The following CA5B variants were observed in gnomAD, a reference collection of about 807,000 sequenced individuals.
CA5B encodes the protein carbonic anhydrase 5B.
CA5B carries 15 observed loss-of-function variants against 23.1 expected under a neutral mutation model. That is an observed-to-expected ratio of 0.65 (90% CI 0.43 to 1.00). The LOEUF (loss-of-function observed/expected upper bound fraction) is 1.00. Among genes scored for constraint, CA5B ranks in the 50% least tolerant of loss-of-function variants. CA5B has a pLI of 0.00. For synonymous variants in CA5B, 84 were observed against 98.5 expected (o/e 0.85, Z 0.87); for missense variants, 236 against 252.2 (o/e 0.94, Z 0.43).
chrX:15,767,680 C>A (rs1931736925), intron 3 of CA5B, among the ~76,000 whole-genome samples: 1 of 110,125 alleles, frequency 9.1e-6, no homozygotes, highest in African/African-American at 3.3e-5. Flanking sequence ...CCTCTGCCTC[C>A]CGGGCTCAAG....
At chrX:15,745,323 T>A (rs1293466407) in intron 1 of CA5B, among the ~76,000 whole-genome samples, 4 of 111,003 alleles carry the variant, frequency 3.6e-5, no homozygotes, top group African/African-American at 1.3e-4. Flanking sequence ...AGAGACAAAG[T>A]AAAAGCGAGA....
intron 2 of CA5B, among the ~76,000 whole-genome samples, chrX:15,751,618 T>G: frequency 9.1e-6 from 1 of 109,724 alleles, no homozygotes; most frequent in Non-Finnish European, 1.9e-5. Context: ...CTGCTTTTAG[T>G]GCTGACAAAA....
At chrX:15,742,398 G>C (rs1355689841) in intron 1 of CA5B, among the ~76,000 whole-genome samples, 1 of 111,861 alleles carries the variant, frequency 8.9e-6, no homozygotes, top group Non-Finnish European at 1.9e-5. Flanking sequence ...ACGGAGTCTC[G>C]CTCTGTCACT....
rs182482774 is a variant in CA5B, at chrX:15,748,054, C to T, written c.-53-1917C>T. ...TTTACATAGGGGCCACAGATTGGTT[C>T]GACCAGGTGTGACATTTACATAGCA... On this transcript the variant is annotated intron_variant, in intron 1 of 7. Coordinates refer to ENST00000318636, the MANE Select transcript of CA5B (RefSeq NM_007220.4). Among the ~76,000 whole-genome samples the T allele has an allele frequency of 4.0e-3, 446 of 111,640 alleles. 1 individual carries two copies. Among genetic ancestry groups the T allele is most frequent in the African/African-American group, 0.014 (425 of 30,743 alleles).
intron 2 of CA5B, among the ~76,000 whole-genome samples, chrX:15,760,672 T>C (rs139937612): frequency 0.023 from 2,602 of 111,266 alleles, 69 homozygotes; most frequent in African/African-American, 0.08. Flanking sequence ...GAGACCCTCA[T>C]TGAATGGCTT....
Position 15,787,106 on chromosome X carries a change from T to G in CA5B, c.*4442T>G, listed in dbSNP as rs781673430. The G allele has an allele frequency of 8.9e-6, 1 of 112,049 alleles. No individual in the cohort carries two copies. Among genetic ancestry groups the G allele is most frequent in the South Asian group, 3.7e-4 (1 of 2,720 alleles). The allele number at this position is 112,049 out of a possible 1,213,427, so 9.2% of individuals were successfully genotyped here. On this transcript the variant is annotated 3_prime_UTR_variant, in exon 8 of 8. Coordinates refer to ENST00000318636, the MANE Select transcript of CA5B (RefSeq NM_007220.4). ...GAGTCTTGATTGTACGTGCCCCACT[T>G]GCACCACAGCCTGCCTTGGGTTATA...
rs1016168912 is a variant in CA5B at position 15,785,003 on chromosome X, T to C, written c.*2339T>C. On this transcript the variant is annotated 3_prime_UTR_variant, in exon 8 of 8. Transcript: ENST00000318636. ...ATCAAAACCACAATGAGATATCGTC[T>C]CACGCCCATCATGATGGCCACTATC... 1.1e-4 allele frequency: 12 copies of C among 112,118 alleles called. No homozygotes were observed. The highest frequency in any genetic ancestry group is 2.3e-4 in the Non-Finnish European group (12 of 53,297). The allele number at this position is 112,118 out of a possible 1,213,427, so 9.2% of individuals were successfully genotyped here.
intron 7 of CA5B, among the ~76,000 whole-genome samples, chrX:15,780,890 G>T (rs970814371): frequency 6.2e-5 from 7 of 112,190 alleles, no homozygotes; most frequent in African/African-American, 2.3e-4. Flanking sequence ...TGTGCCCCAG[G>T]CTGTCTTCTC....
At chrX:15,755,427 C>G (rs1931468139) in intron 2 of CA5B, among the ~76,000 whole-genome samples, 1 of 112,019 alleles carries the variant, frequency 8.9e-6, no homozygotes, top group African/African-American at 3.2e-5. Flanking sequence ...CATCCTCAAC[C>G]AAGTCATATG....
intron 2 of CA5B, among the ~76,000 whole-genome samples, chrX:15,763,955 A>G (rs1312128832): frequency 2.7e-5 from 3 of 111,849 alleles, no homozygotes; most frequent in Non-Finnish European, 5.6e-5. Context: ...AGATAGATGG[A>G]CACATTCAGT....
At chrX:15,782,391 G>C (rs1373449793) in intron 7 of CA5B, 94 bp from the exon 8 acceptor site, 2 of 855,700 alleles carry the variant, frequency 2.3e-6, no homozygotes, top group South Asian at 2.3e-5. Flanking sequence ...AATTTGCAAC[G>C]AATGCTCAGA....
intron 2 of CA5B, among the ~76,000 whole-genome samples, chrX:15,761,774 T>C (rs1052716888): frequency 9.0e-6 from 1 of 111,147 alleles, no homozygotes; most frequent in African/African-American, 3.3e-5. Context: ...CCCTGGCCTC[T>C]AACCACTAGA....
At chrX:15,753,660 G>C (rs1250758825) in intron 2 of CA5B, among the ~76,000 whole-genome samples, 2 of 112,586 alleles carry the variant, frequency 1.8e-5, no homozygotes, top group African/African-American at 6.5e-5. Flanking sequence ...TGTAATCCCA[G>C]CACTTTGGGA....
intron 2 of CA5B, among the ~76,000 whole-genome samples, chrX:15,752,208 T>G (rs1481758171): frequency 2.7e-5 from 3 of 110,633 alleles, no homozygotes; most frequent in Non-Finnish European, 5.7e-5. Flanking sequence ...TTGCCCAAAT[T>G]CCTATCTAAG....
chrX:15,786,862 C>T lies in CA5B; in HGVS notation c.*4198C>T, dbSNP rs1932126641. The T allele has an allele frequency of 8.9e-6, 1 of 111,902 alleles. No homozygotes were observed. Among genetic ancestry groups the T allele is most frequent in the Non-Finnish European group, 1.9e-5 (1 of 53,205 alleles). The allele number at this position is 111,902 out of a possible 1,213,427, so 9.2% of individuals were successfully genotyped here. On this transcript the variant is annotated 3_prime_UTR_variant, in exon 8 of 8. Transcript: ENST00000318636. ...CACCATATAGGGCAAGCTGTGACCGCCTTTCTCCTTTCCCAGGGCTACATG... is the reference window on the plus strand; with the variant it reads ...CACCATATAGGGCAAGCTGTGACCGTCTTTCTCCTTTCCCAGGGCTACATG...
chrX:15,782,594 C>T lies in CA5B; in HGVS notation c.884C>T (p.Ser295Phe). The T allele has an allele frequency of 2.5e-6, 3 of 1,209,522 alleles. No homozygotes were observed. The highest frequency in any genetic ancestry group is 3.4e-6 in the Non-Finnish European group (3 of 894,497). ...CTGATGAATCGCACTGTTCGTTCAT[C>T]CTTCCGGCATGATTATGTGCTGAAT... is the stretch of plus-strand genomic sequence containing the variant. ...QPLMNRTVRS[S>F]FRHDYVLNVQ... The change falls in exon 8 of 8, where the codon TCC becomes TTC. Residue 295 changes from serine to phenylalanine, a missense_variant. By Grantham distance (155) the Ser-to-Phe change is radical. Transcript: ENST00000318636.
intron 1 of CA5B, among the ~76,000 whole-genome samples, chrX:15,749,268 A>G (rs1931307272): frequency 1.8e-5 from 2 of 111,881 alleles, no homozygotes; most frequent in South Asian, 7.4e-4. Context: ...ACTTCAGAAC[A>G]CCATAGTGAA....
chrX:15,752,084 C>G (rs181513505), intron 2 of CA5B, among the ~76,000 whole-genome samples: 3 of 111,614 alleles, frequency 2.7e-5, no homozygotes, highest in Non-Finnish European at 5.6e-5. Context: ...AGAACACATG[C>G]CCAAGGTGGT....
At chrX:15,776,061 G>T in intron 6 of CA5B, 1 of 742,383 alleles carries the variant, frequency 1.3e-6, no homozygotes, top group South Asian at 6.9e-5. Context: ...GCCTCCAACC[G>T]GGCGCAGTGG....
Sources: allele counts gnomAD v4.1 joint callset (sites outside exome capture counted in the v4.1 genomes callset), GRCh38; gene constraint gnomAD v4.1.1; transcripts MANE v1.5; gene names NCBI Gene and HGNC (gene_info 2026-07-23, HGNC 2026-07-21).